The following ITSN2 variants were observed in gnomAD, a reference collection of about 807,000 sequenced individuals.
The protein encoded by ITSN2 is intersectin 2, also known as intersectin-2.
ITSN2 carries 156 observed loss-of-function variants against 243.7 expected under a neutral mutation model. The observed-to-expected ratio is 0.64, with a 90% CI of 0.56 to 0.73. The LOEUF (loss-of-function observed/expected upper bound fraction) is 0.73, where lower values mean the gene tolerates loss of function less well. Among genes scored for constraint, ITSN2 ranks in the 30% least tolerant of loss-of-function variants. The pLI, the probability that ITSN2 is intolerant of heterozygous loss-of-function variation, is 0.00. For synonymous variants in ITSN2, 703 were observed against 699.9 expected, an observed-to-expected ratio of 1.00 and a Z score of -0.07; for missense variants, 1,801 against 1,996.1, an observed-to-expected ratio of 0.90 and a Z score of 1.86.
Position 24,325,005 on chromosome 2 carries a change from C to T in ITSN2, c.31+3047G>A, listed in dbSNP as rs549890314. Among the ~76,000 whole-genome samples, 140 of 152,000 alleles carry T rather than the reference C, an allele frequency of 9.2e-4. 1 individual carries two copies. The Middle Eastern group carries it at 0.014, about 15-fold the overall frequency. ...ATGTAACCAAGAGAATAAAAATGTT[C>T]TAAGGCATTTTAACAAGGAATAATT... is the stretch of plus-strand genomic sequence containing the variant. On this transcript the variant is annotated intron_variant, in intron 2 of 39. Transcript: ENST00000355123.
rs190117259 is a variant in ITSN2, at chr2:24,225,727, C to T, written c.3578-4661G>A. On this transcript the variant is annotated intron_variant, in intron 29 of 39. Transcript: ENST00000355123. This position sits in a 1 kb window ranked among gnomAD's most constrained non-coding sequence, Gnocchi z 4.2. ...AGGCTGTATATCTCACTCGCAGGGCCCCAGTGCACATTAGCCTATTAGGCA... is the reference window on the plus strand; with the variant it reads ...AGGCTGTATATCTCACTCGCAGGGCTCCAGTGCACATTAGCCTATTAGGCA... Among the ~76,000 whole-genome samples the T allele has an allele frequency of 8.5e-5, 13 of 152,234 alleles. No individual in the cohort carries two copies. Among genetic ancestry groups the T allele is most frequent in the Non-Finnish European group, 5.9e-5 (4 of 68,004 alleles).
chr2:24,340,741 AAG>A (rs1052878358), intron 1 of ITSN2, among the ~76,000 whole-genome samples: 19 of 152,064 alleles, frequency 1.2e-4, no homozygotes, highest in African/African-American at 4.6e-4. Context: ...GTTCTCAAAA[AAG>A]GAAAAAAAAC....
chr2:24,248,391 C>T (rs1003708021), intron 27 of ITSN2, among the ~76,000 whole-genome samples: 5 of 152,074 alleles, frequency 3.3e-5, no homozygotes. Context: ...TATTGGAAAA[C>T]AATTATGTCT....
chr2:24,312,878 TATGAAATAA>T (rs1377300722), intron 4 of ITSN2, among the ~76,000 whole-genome samples: 1 of 152,036 alleles, frequency 6.6e-6, no homozygotes, highest in African/African-American at 2.4e-5. Context: ...GTTTATAGAT[TATGAAATAA>T]ATGAAACTAC....
chr2:24,333,619 T>C (rs1172295913), intron 1 of ITSN2, among the ~76,000 whole-genome samples: 5 of 152,254 alleles, frequency 3.3e-5, no homozygotes, highest in South Asian at 4.1e-4. Flanking sequence ...AGAACTGGCA[T>C]TGTTCCCTTT....
chr2:24,205,146 CA>C (rs979850166), intron 38 of ITSN2, 67 bp downstream of exon 38: 2 of 1,368,724 alleles, frequency 1.5e-6, no homozygotes, highest in African/African-American at 1.4e-5. Context: ...GACTCTGTCT[CA>C]AAAAGTCATC....
At chr2:24,250,151 T>C (rs4665258) in intron 25 of ITSN2, among the ~76,000 whole-genome samples, 149,015 of 152,362 alleles carry the variant, frequency 0.98, 72,867 homozygotes, top group East Asian at 0.99. Context: ...CCTAAAACAT[T>C]TGTGCTGCAT....
rs1293800285 is a variant in ITSN2 at position 24,208,311 on chromosome 2, C to G, written c.4604G>C (p.Trp1535Ser). The stretch of plus-strand genomic sequence containing the variant: ...AGACGCCGCCTTGATCTTCTGCACC[C>G]AGGCGGTCCTACGGGAGAAGCAGGG... ...RTDNINERTA[W>S]VQKIKAASEQ... The change falls in exon 37 of 40, where the codon TGG (tryptophan) becomes TCG (serine). Residue 1535 changes from tryptophan (W) to serine (S), a missense_variant. By Grantham distance (177) the Trp-to-Ser change is radical. Coordinates refer to ENST00000355123, the MANE Select transcript of ITSN2 (RefSeq NM_006277.3). 3 of 1,612,226 alleles carry G rather than the reference C, an allele frequency of 1.9e-6. No individual in the cohort carries two copies. The highest frequency in any genetic ancestry group is 1.7e-6 in the Non-Finnish European group (2 of 1,179,798).
intron 30 of ITSN2, 28 bp downstream of exon 30, chr2:24,220,917 G>A (rs776386657): frequency 1.8e-5 from 28 of 1,579,168 alleles, no homozygotes; most frequent in Middle Eastern, 1.7e-4. Context: ...CAGATACCCC[G>A]AGAGCTAGCC....
chr2:24,224,829 C>T (rs1670867250), intron 29 of ITSN2, among the ~76,000 whole-genome samples: 1 of 152,190 alleles, frequency 6.6e-6, no homozygotes, highest in Non-Finnish European at 1.5e-5. Context: ...GGGGTTTCGC[C>T]ATGTTGGCCA....
In ITSN2 at chr2:24,310,472, A is replaced by G. The variant is rs566045455; in HGVS notation, c.556+17T>C. 1 of 1,612,116 alleles carries G rather than the reference A, an allele frequency of 6.2e-7. No homozygotes were observed. Among genetic ancestry groups the G allele is most frequent in the African/African-American group, 1.3e-5 (1 of 75,026 alleles). ...TCTTTACATGAAATAATGACTCTTT[A>G]GAAACAAAGTACTCACTTGAAGAAG... On this transcript the variant is annotated intron_variant, in intron 6 of 39. Coordinates refer to ENST00000355123, the MANE Select transcript of ITSN2 (RefSeq NM_006277.3).
intron 18 of ITSN2, among the ~76,000 whole-genome samples, chr2:24,274,120 A>G (rs1677719679): frequency 6.6e-6 from 1 of 152,236 alleles, no homozygotes; most frequent in Non-Finnish European, 1.5e-5. Flanking sequence ...GAAAGTTCTG[A>G]CATAAGGATT....
chr2:24,252,258 A>G (rs1024886784), intron 25 of ITSN2, 87 bp downstream of exon 25: 5 of 985,268 alleles, frequency 5.1e-6, no homozygotes, highest in Non-Finnish European at 6.1e-6. Flanking sequence ...TTGATTAACA[A>G]GAATGGGTTG....
intron 2 of ITSN2, among the ~76,000 whole-genome samples, chr2:24,323,347 T>TG (rs1288782613): frequency 6.6e-6 from 1 of 152,224 alleles, no homozygotes; most frequent in Non-Finnish European, 1.5e-5. Context: ...CCTGAACGGC[T>TG]GAATGGATAA....
intron 8 of ITSN2, among the ~76,000 whole-genome samples, chr2:24,304,107 A>G (rs1682166225): frequency 6.6e-6 from 1 of 152,228 alleles, no homozygotes; most frequent in African/African-American, 2.4e-5. Flanking sequence ...TCAGCAAGAT[A>G]ATAATACACA....
At chr2:24,274,518 G>A (rs1032346599) in intron 18 of ITSN2, among the ~76,000 whole-genome samples, 1 of 152,150 alleles carries the variant, frequency 6.6e-6, no homozygotes, top group African/African-American at 2.4e-5. Context: ...AGGCTGCAGT[G>A]ATCCCTGATC....
chr2:24,260,540 T>A (rs991538668), intron 22 of ITSN2, among the ~76,000 whole-genome samples: 3 of 151,386 alleles, frequency 2.0e-5, no homozygotes, highest in Non-Finnish European at 2.9e-5. Flanking sequence ...CAATATATCA[T>A]GAGATTTGTA....
intron 1 of ITSN2, among the ~76,000 whole-genome samples, chr2:24,346,751 A>G (rs1687568258): frequency 6.6e-6 from 1 of 152,158 alleles, no homozygotes; most frequent in East Asian, 1.9e-4. Context: ...TATCAATTTT[A>G]TAAAAAGCAA....
rs538433588 is a variant in ITSN2 at position 24,220,599 on chromosome 2, C to T, written c.3699+346G>A. ...ATTAGGCAAATATCCAAGGAAGCTA[C>T]GGTCTGCCATAGGCCCTTCCCATCC... On this transcript the variant is annotated intron_variant, in intron 30 of 39. Transcript: ENST00000355123. 25 of 1,134,802 alleles carry T rather than the reference C, an allele frequency of 2.2e-5. No homozygotes were observed. In the South Asian group the frequency reaches 7.6e-4, roughly 35 times the overall value. 70.3% of individuals were successfully genotyped at this position (1,134,802 alleles called of 1,614,324 possible).
Sources: gnomAD v4.1 joint callset for allele counts (sites outside exome capture counted in the v4.1 genomes callset) on GRCh38, gnomAD v4.1.1 for gene constraint, Gnocchi (gnomAD v3.1) non-coding constraint, MANE v1.5 for transcripts, NCBI Gene and HGNC (gene_info 2026-07-23, HGNC 2026-07-21) for gene names.